THAP4: variants seen among roughly 807,000 people sequenced by gnomAD.
The protein encoded by THAP4 is peroxynitrite isomerase THAP4.
In THAP4, 18 loss-of-function variants were observed where a neutral mutation model predicts 48.1. The ratio of observed to expected loss-of-function variants is 0.37; its 90% CI spans 0.26 to 0.56. THAP4 has a LOEUF of 0.56. Among genes scored for constraint, THAP4 ranks in the 20% least tolerant of loss-of-function variants. The pLI, the probability that THAP4 is intolerant of heterozygous loss-of-function variation, is 0.78. For missense variants in THAP4, 656 were observed against 774.9 expected (o/e 0.85, Z 1.82); for synonymous variants, 345 against 324.9 (o/e 1.06, Z -0.66).
At chr2:241,634,209 T>A (rs527869214) in intron 1 of THAP4, 130 bp from the exon 2 acceptor site, 2 of 646,642 alleles carry the variant, frequency 3.1e-6, no homozygotes, top group South Asian at 2.2e-5. Context: ...CTTAAAAAAA[T>A]ACTTCAAAAA....
At chr2:241,618,166 G>A (rs1169455304) in intron 2 of THAP4, among the ~76,000 whole-genome samples, 1 of 152,240 alleles carries the variant, frequency 6.6e-6, no homozygotes, top group Non-Finnish European at 1.5e-5. Flanking sequence ...CCACTGACAA[G>A]GCATACCAGC....
At chr2:241,609,375 G>A (rs530955268) in intron 2 of THAP4, among the ~76,000 whole-genome samples, 1 of 152,246 alleles carries the variant, frequency 6.6e-6, no homozygotes, top group African/African-American at 2.4e-5. Context: ...TCAGTCACCT[G>A]GGATAGCCCA....
chr2:241,597,671 T>C (rs529213847), intron 5 of THAP4, among the ~76,000 whole-genome samples: 1 of 152,316 alleles, frequency 6.6e-6, no homozygotes, highest in East Asian at 1.9e-4. Flanking sequence ...GCTCTCCTTC[T>C]AGCCTCAAGG....
chr2:241,591,434 A>G (rs995416906), intron 5 of THAP4, among the ~76,000 whole-genome samples: 4 of 152,232 alleles, frequency 2.6e-5, no homozygotes, highest in African/African-American at 9.6e-5. Flanking sequence ...CTTGAAGTGT[A>G]TGCATTTATT....
At chr2:241,635,320 G>A (rs768317382) in intron 1 of THAP4, among the ~76,000 whole-genome samples, 2 of 152,124 alleles carry the variant, frequency 1.3e-5, no homozygotes, top group Admixed American at 6.5e-5. Context: ...CATGTTACAT[G>A]TATTATACCA....
intron 2 of THAP4, among the ~76,000 whole-genome samples, chr2:241,608,687 C>G (rs745680687): frequency 6.6e-6 from 1 of 152,214 alleles, no homozygotes. Flanking sequence ...AACAGTCATA[C>G]ATCCCTACGG....
rs1307262645 is a variant in THAP4, at chr2:241,616,427, G to A, written c.1241-9954C>T. Among the ~76,000 whole-genome samples, 1 of 152,204 alleles carries A rather than the reference G, an allele frequency of 6.6e-6. No individual in the cohort carries two copies. The highest frequency in any genetic ancestry group is 1.5e-5 in the Non-Finnish European group (1 of 68,040). On this transcript the variant is annotated intron_variant, in intron 2 of 5. Transcript: ENST00000407315. The surrounding 1 kb of genome is among the most constrained non-coding windows in gnomAD (Gnocchi z 4.6). ...CGGGTAAGCAGTGGCACCTGAGCAG[G>A]GGGATGGTGTCCTGGTAAGAACAGG...
chr2:241,591,194 A>G (rs1470451424), intron 5 of THAP4, among the ~76,000 whole-genome samples: 1 of 151,930 alleles, frequency 6.6e-6, no homozygotes, highest in Non-Finnish European at 1.5e-5. Context: ...TGCTCGGCTG[A>G]TGATGATGGG....
rs185434751 is a variant in THAP4, at chr2:241,601,532, A to G, written c.1614+364T>C. 3.7e-4 allele frequency among the ~76,000 whole-genome samples: 56 copies of G among 152,318 alleles called. No individual in the cohort carries two copies. The highest frequency in any genetic ancestry group is 3.9e-4 in the Admixed American group (6 of 15,298). On this transcript the variant is annotated intron_variant, in intron 5 of 5. Transcript: ENST00000407315. The surrounding 1 kb of genome is among the most constrained non-coding windows in gnomAD (Gnocchi z 4.0). ...AGTGGGAGGATAATCATGAAGAAAT[A>G]CAATCTAACAGTGTGTATCAAATTT...
upstream of THAP4, chr2:241,637,549 C>T (rs766548490): frequency 1.4e-6 from 2 of 1,473,168 alleles, no homozygotes; most frequent in South Asian, 1.3e-5. Context: ...GTCGGCCCGG[C>T]CGTACGCCAA....
At chr2:241,603,126 ATGGCG>A (rs775113767) in intron 3 of THAP4, 47 bp from the exon 4 acceptor site, 7 of 1,507,952 alleles carry the variant, frequency 4.6e-6, no homozygotes, top group Middle Eastern at 1.7e-4. Context: ...GGCCTCCAAG[ATGGCG>A]TGGGCTGCGT....
chr2:241,625,525 T>C (rs1224615573), intron 2 of THAP4, among the ~76,000 whole-genome samples: 3 of 148,082 alleles, frequency 2.0e-5, no homozygotes, highest in Non-Finnish European at 4.5e-5. Flanking sequence ...AGTCCAGGTG[T>C]GTGGATCACG....
intron 2 of THAP4, among the ~76,000 whole-genome samples, chr2:241,630,257 C>T (rs1227788590): frequency 6.6e-6 from 1 of 152,142 alleles, no homozygotes; most frequent in Non-Finnish European, 1.5e-5. Context: ...AGAGGCAGAT[C>T]CATGGCACGC....
In THAP4 at chr2:241,601,769, A is replaced by G. The variant is rs2067115746; in HGVS notation, c.1614+127T>C. 1.3e-6 allele frequency: 2 copies of G among 1,517,174 alleles called. No homozygotes were observed. Among genetic ancestry groups the G allele is most frequent in the East Asian group, 2.5e-5 (1 of 40,534 alleles). 94.0% of individuals were successfully genotyped at this position (1,517,174 alleles called of 1,614,324 possible). A position where few individuals can be genotyped will look rare whatever the true frequency, so the allele number is the denominator to read the frequency against. On this transcript the variant is annotated intron_variant, in intron 5 of 5. Coordinates refer to ENST00000407315, the MANE Select transcript of THAP4 (RefSeq NM_015963.6). This position sits in a 1 kb window ranked among gnomAD's most constrained non-coding sequence, Gnocchi z 4.0. ...TGGTCCGAGAAGGGAAAAGAAGGAG[A>G]CAGTGAAGACAGGCCTGTGAGACAC...
chr2:241,633,047 G>A lies in THAP4; in HGVS notation c.1110C>T (p.Asn370=), dbSNP rs762778697. ...CCLREQVEKK[N]GELKSLRQRV... ...TCTGCCGCAGGCTCTTCAGCTCGCC[G>A]TTCTTCTTCTCCACCTGCTCCCGCA... The change falls in exon 2 of 6, where the codon AAC becomes AAT. Residue 370 remains asparagine (N), a synonymous_variant. Coordinates refer to ENST00000407315, the MANE Select transcript of THAP4 (RefSeq NM_015963.6). The surrounding 1 kb of genome is among the most constrained non-coding windows in gnomAD (Gnocchi z 7.5). The A allele has an allele frequency of 9.9e-6, 16 of 1,613,836 alleles. No homozygotes were observed. The highest frequency in any genetic ancestry group is 1.6e-4 in the Middle Eastern group (1 of 6,084).
intron 2 of THAP4, among the ~76,000 whole-genome samples, chr2:241,624,288 C>G (rs936117218): frequency 1.3e-5 from 2 of 152,104 alleles, no homozygotes; most frequent in Non-Finnish European, 1.5e-5. Flanking sequence ...GAGATCGAGA[C>G]CATCCTGGCT....
chr2:241,610,987 C>T lies in THAP4; in HGVS notation c.1241-4514G>A, dbSNP rs1321873675. Among the ~76,000 whole-genome samples, 1 of 152,126 alleles carries T rather than the reference C, an allele frequency of 6.6e-6. No homozygotes were observed. The highest frequency in any genetic ancestry group is 1.5e-5 in the Non-Finnish European group (1 of 68,016). On this transcript the variant is annotated intron_variant, in intron 2 of 5. Coordinates refer to ENST00000407315, the MANE Select transcript of THAP4 (RefSeq NM_015963.6). The surrounding 1 kb of genome is among the most constrained non-coding windows in gnomAD (Gnocchi z 4.2). ...TCTCAGGTAAGTAACAATATTATCA[C>T]CTTCCCTCCCAAGAATTAAAAAAAA...
At chr2:241,613,874 G>A (rs571605592) in intron 2 of THAP4, among the ~76,000 whole-genome samples, 2 of 152,176 alleles carry the variant, frequency 1.3e-5, no homozygotes, top group African/African-American at 4.8e-5. Flanking sequence ...TTTCAAGGCC[G>A]GGCATGATGG....
intron 2 of THAP4, among the ~76,000 whole-genome samples, chr2:241,625,817 A>G (rs980540579): frequency 1.3e-5 from 2 of 149,134 alleles, no homozygotes; most frequent in Non-Finnish European, 3.0e-5. Flanking sequence ...AAAAAAAAAA[A>G]AAAAAAAGAA....
Sources: allele counts gnomAD v4.1 joint callset (sites outside exome capture counted in the v4.1 genomes callset), GRCh38; gene constraint gnomAD v4.1.1; non-coding constraint Gnocchi (gnomAD v3.1); transcripts MANE v1.5; gene names NCBI Gene and HGNC (gene_info 2026-07-23, HGNC 2026-07-21).